SIK2: variants seen among roughly 807,000 people sequenced by gnomAD.
The protein encoded by SIK2 is salt inducible kinase 2, also known as serine/threonine-protein kinase SIK2.
Under a neutral mutation model 103.2 loss-of-function variants are expected in SIK2, and 29 were observed. That is an observed-to-expected ratio of 0.28 (90% CI 0.21 to 0.38). The LOEUF (loss-of-function observed/expected upper bound fraction) is 0.38. SIK2 is among the 10% of genes least tolerant of loss of function. SIK2 has a pLI of 1.00. For synonymous variants in SIK2, 412 were observed against 446.1 expected (o/e 0.92, Z 0.96); for missense variants, 879 against 1,171.0 (o/e 0.75, Z 3.64).
chr11:111,702,011 T>C (rs368773496), intron 6 of SIK2, among the ~76,000 whole-genome samples: 6 of 152,256 alleles, frequency 3.9e-5, no homozygotes, highest in African/African-American at 1.4e-4. Context: ...TGTATTGAGC[T>C]GTTACCTAGA....
At chr11:111,636,969 C>A (rs1323968056) in intron 3 of SIK2, among the ~76,000 whole-genome samples, 2 of 152,066 alleles carry the variant, frequency 1.3e-5, no homozygotes, top group Non-Finnish European at 2.9e-5. Context: ...TGGTGTGGGT[C>A]TATTTCAATT....
Position 111,701,624 on chromosome 11 carries a change from C to T in SIK2, c.727+49C>T, listed in dbSNP as rs755595012. The T allele has an allele frequency of 1.9e-6, 3 of 1,584,462 alleles. No individual in the cohort carries two copies. The highest frequency in any genetic ancestry group is 1.7e-5 in the Admixed American group (1 of 58,186). ...ATGGTGTTTTACAGTGTTAGTGCTCCAAGTGAAATGCCTAGGTAAAAGCTT... is the reference window on the plus strand; with the variant it reads ...ATGGTGTTTTACAGTGTTAGTGCTCTAAGTGAAATGCCTAGGTAAAAGCTT... On this transcript the variant is annotated intron_variant, in intron 6 of 14. Coordinates refer to ENST00000304987, the MANE Select transcript of SIK2 (RefSeq NM_015191.3). The surrounding 1 kb of genome is among the most constrained non-coding windows in gnomAD (Gnocchi z 4.2).
chr11:111,723,973 C>T lies in SIK2; in HGVS notation c.2625C>T (p.Ser875=), dbSNP rs1323529033. The change falls in exon 15 of 15, where the codon AGC becomes AGT. Residue 875 remains serine (S), a synonymous_variant. Coordinates refer to ENST00000304987, the MANE Select transcript of SIK2 (RefSeq NM_015191.3). The part of the protein sequence containing the change: ...CQYPVDGAQQ[S]DLTGPDCPRS... The stretch of plus-strand genomic sequence containing the variant: ...ATCCTGTGGATGGAGCCCAGCAGAG[C>T]GACCTAACGGGGCCAGACTGTCCCA... 7 of 1,614,040 alleles carry T rather than the reference C, an allele frequency of 4.3e-6. No individual in the cohort carries two copies. The highest frequency in any genetic ancestry group is 4.5e-5 in the East Asian group (2 of 44,890).
In SIK2 at chr11:111,602,702, C is replaced by T; in HGVS notation, c.135+4C>T. 2 of 1,505,402 alleles carry T rather than the reference C, an allele frequency of 1.3e-6. No individual in the cohort carries two copies. The highest frequency in any genetic ancestry group is 1.4e-5 in the African/African-American group (1 of 69,372). 93.3% of individuals were successfully genotyped at this position (1,505,402 alleles called of 1,614,324 possible). ...GCACCGGATCACCAAGACGGAGGTGCGGCCCGGGGCTCGGCGGGAGCGTCC... is the reference window on the plus strand; with the variant it reads ...GCACCGGATCACCAAGACGGAGGTGTGGCCCGGGGCTCGGCGGGAGCGTCC... On this transcript the variant is annotated splice_donor_region_variant and intron_variant, in intron 1 of 14. Transcript: ENST00000304987. The surrounding 1 kb of genome is among the most constrained non-coding windows in gnomAD (Gnocchi z 4.5).
chr11:111,702,670 A>G (rs1408593995), intron 6 of SIK2, among the ~76,000 whole-genome samples: 2 of 152,204 alleles, frequency 1.3e-5, no homozygotes, highest in Admixed American at 1.3e-4. Flanking sequence ...GAAGAGCATC[A>G]TGTCAGCTCA....
rs1426855141 is a variant in SIK2 at position 111,728,883 on chromosome 11, C to G, written c.*4754C>G. ...AGCTTGCAGTGAGCCAAGATCGTGC[C>G]ACTGCACTCCAGCCTGGGCGACAGA... On this transcript the variant is annotated 3_prime_UTR_variant, in exon 15 of 15. Transcript: ENST00000304987. The G allele has an allele frequency of 2.0e-5, 3 of 148,816 alleles. No homozygotes were observed. Among genetic ancestry groups the G allele is most frequent in the African/African-American group, 5.0e-5 (2 of 40,122 alleles). The allele number at this position is 148,816 out of a possible 1,614,324, so 9.2% of individuals were successfully genotyped here.
rs1943202855 is a variant in SIK2, at chr11:111,701,123, C to A, written c.603+113C>A. 3.7e-6 allele frequency: 5 copies of A among 1,354,442 alleles called. No homozygotes were observed. The highest frequency in any genetic ancestry group is 4.9e-6 in the Non-Finnish European group (5 of 1,010,462). The allele number at this position is 1,354,442 out of a possible 1,614,324, so 83.9% of individuals were successfully genotyped here. ...ACACATAAGCAGTATTTCATATTTT[C>A]CCCATCCACTGGACTATAATTACTC... On this transcript the variant is annotated intron_variant, in intron 5 of 14. Coordinates refer to ENST00000304987, the MANE Select transcript of SIK2 (RefSeq NM_015191.3). The surrounding 1 kb of genome is among the most constrained non-coding windows in gnomAD (Gnocchi z 4.2).
At chr11:111,609,152 G>A (rs1591585190) in intron 1 of SIK2, among the ~76,000 whole-genome samples, 1 of 151,650 alleles carries the variant, frequency 6.6e-6, no homozygotes, top group African/African-American at 2.4e-5. Context: ...TAATTGCATT[G>A]TCTTTTTTGT....
intron 3 of SIK2, among the ~76,000 whole-genome samples, chr11:111,666,984 T>C (rs1021621709): frequency 1.3e-4 from 17 of 130,912 alleles, no homozygotes; most frequent in Non-Finnish European, 2.7e-4. Context: ...TATTTATTTA[T>C]TGAGACAGAG....
At chr11:111,712,118 G>C in intron 8 of SIK2, 93 bp from the exon 9 acceptor site, 1 of 1,262,180 alleles carries the variant, frequency 7.9e-7, no homozygotes, top group Non-Finnish European at 1.1e-6. Flanking sequence ...TTCTTTAATT[G>C]CCACAGGAAG....
chr11:111,716,544 T>C (rs1484518588), intron 9 of SIK2, among the ~76,000 whole-genome samples: 1 of 151,994 alleles, frequency 6.6e-6, no homozygotes, highest in Non-Finnish European at 1.5e-5. Context: ...ACCACTGCGC[T>C]CCAGCCTGGG....
intron 8 of SIK2, among the ~76,000 whole-genome samples, chr11:111,707,280 A>G (rs1013608357): frequency 2.6e-5 from 4 of 152,216 alleles, no homozygotes; most frequent in African/African-American, 9.6e-5. Flanking sequence ...TTATATAAAC[A>G]GTTGTTCCTG....
chr11:111,663,573 C>T (rs1223460059), intron 3 of SIK2, among the ~76,000 whole-genome samples: 3 of 152,090 alleles, frequency 2.0e-5, no homozygotes, highest in Non-Finnish European at 4.4e-5. Flanking sequence ...TGAGCAGAGC[C>T]GTGTCATGGA....
intron 3 of SIK2, among the ~76,000 whole-genome samples, chr11:111,657,649 A>G (rs1942409165): frequency 1.3e-5 from 2 of 152,062 alleles, no homozygotes; most frequent in Admixed American, 1.3e-4. Context: ...CTGGCCTCCC[A>G]AAGTGCTGGG....
chr11:111,604,530 A>T (rs1203914066), intron 1 of SIK2, among the ~76,000 whole-genome samples: 1 of 152,202 alleles, frequency 6.6e-6, no homozygotes, highest in East Asian at 1.9e-4. Flanking sequence ...TGACACTTTG[A>T]GGTTGACAAT....
chr11:111,616,578 T>C (rs1941809294), intron 2 of SIK2, among the ~76,000 whole-genome samples: 1 of 152,202 alleles, frequency 6.6e-6, no homozygotes, highest in African/African-American at 2.4e-5. Flanking sequence ...AAGTTTGCAG[T>C]GTGGGCTCAC....
At chr11:111,695,561 C>T (rs1943052505) in intron 4 of SIK2, among the ~76,000 whole-genome samples, 1 of 151,972 alleles carries the variant, frequency 6.6e-6, no homozygotes, top group Non-Finnish European at 1.5e-5. Flanking sequence ...TATTTTTCAC[C>T]GCCTCTGTTT....
intron 3 of SIK2, among the ~76,000 whole-genome samples, chr11:111,643,205 C>G (rs1405811924): frequency 6.6e-6 from 1 of 152,134 alleles, no homozygotes; most frequent in African/African-American, 2.4e-5. Flanking sequence ...AGTGCTTTTG[C>G]ACATCCTAGG....
At chr11:111,616,904 T>G (rs1941814186) in intron 2 of SIK2, among the ~76,000 whole-genome samples, 2 of 152,134 alleles carry the variant, frequency 1.3e-5, no homozygotes, top group African/African-American at 2.4e-5. Flanking sequence ...TACTGCCTAA[T>G]AAGGATGTGG....
Sources: gnomAD v4.1 joint callset for allele counts (sites outside exome capture counted in the v4.1 genomes callset) on GRCh38, gnomAD v4.1.1 for gene constraint, Gnocchi (gnomAD v3.1) non-coding constraint, MANE v1.5 for transcripts, NCBI Gene and HGNC (gene_info 2026-07-23, HGNC 2026-07-21) for gene names.